The following ENDOV variants were observed in gnomAD, a reference collection of about 807,000 sequenced individuals.
ENDOV encodes endonuclease V.
In ENDOV, 37 loss-of-function variants were observed where a neutral mutation model predicts 39.4. That is an observed-to-expected ratio of 0.94 (90% CI 0.72 to 1.23). The LOEUF (loss-of-function observed/expected upper bound fraction) is 1.23, where lower values mean the gene tolerates loss of function less well. Ranked by LOEUF, ENDOV falls within the 50% of genes most tolerant of loss-of-function variation. ENDOV has a pLI of 0.00. For synonymous variants in ENDOV, 186 were observed against 163.4 expected, an observed-to-expected ratio of 1.14 and a Z score of -1.05; for missense variants, 441 against 375.7, an observed-to-expected ratio of 1.17 and a Z score of -1.44.
intron 1 of ENDOV, 166 bp from the exon 2 acceptor site, chr17:80,415,484 C>G: frequency 1.8e-6 from 2 of 1,083,376 alleles, no homozygotes; most frequent in Non-Finnish European, 2.6e-6. Flanking sequence ...CGCGGGTCTC[C>G]GCCGCCTGGG....
At chr17:80,416,189 A>G (rs935683109) in intron 2 of ENDOV, 7 of 171,962 alleles carry the variant, frequency 4.1e-5, no homozygotes, top group Non-Finnish European at 7.2e-5. Flanking sequence ...GTGAGCCAAC[A>G]TCACGCCATT....
chr17:80,422,683 G>T (rs2082203368), intron 4 of ENDOV, among the ~76,000 whole-genome samples: 1 of 152,190 alleles, frequency 6.6e-6, no homozygotes, highest in Non-Finnish European at 1.5e-5. Flanking sequence ...TTGGCCTAGG[G>T]AGCGTGGCTG....
chr17:80,427,028 C>G (rs2082774346), intron 7 of ENDOV, among the ~76,000 whole-genome samples: 1 of 152,270 alleles, frequency 6.6e-6, no homozygotes, highest in South Asian at 2.1e-4. Flanking sequence ...CCGGGGCCTT[C>G]CGGCTGCTGG....
chr17:80,424,610 C>A (rs980441331), intron 5 of ENDOV, among the ~76,000 whole-genome samples: 22 of 152,230 alleles, frequency 1.4e-4, no homozygotes, highest in African/African-American at 5.3e-4. Context: ...TGTGGCTCAC[C>A]TCCAAGATCA....
chr17:80,415,598 G>A (rs2081007227), intron 1 of ENDOV, 52 bp from the exon 2 acceptor site: 2 of 1,582,326 alleles, frequency 1.3e-6, no homozygotes, highest in Non-Finnish European at 1.7e-6. Context: ...GGGTGGAGGA[G>A]GCAGAGTCTG....
chr17:80,415,816 C>T lies in ENDOV; in HGVS notation c.223C>T (p.Leu75Phe). The change falls in exon 2 of 10, where the codon CTC becomes TTC. Residue 75 changes from leucine (L) to phenylalanine (F), a missense_variant. Coordinates refer to ENST00000518137, the MANE Select transcript of ENDOV (RefSeq NM_173627.5). ...ASLVVLSFPE[L>F]EVVYEESRMV... is the part of the protein sequence containing the mutation. ...CCTGGTGGTGCTCAGCTTCCCTGAGCTCGAGGTAACCTGGGAGGACGCCGA... is the reference window on the plus strand; with the variant it reads ...CCTGGTGGTGCTCAGCTTCCCTGAGTTCGAGGTAACCTGGGAGGACGCCGA... 4 of 1,592,754 alleles carry T rather than the reference C, an allele frequency of 2.5e-6. No homozygotes were observed. The highest frequency in any genetic ancestry group is 1.7e-6 in the Non-Finnish European group (2 of 1,169,750).
intron 2 of ENDOV, among the ~76,000 whole-genome samples, chr17:80,420,834 C>T (rs531506204): frequency 1.5e-4 from 23 of 152,352 alleles, no homozygotes; most frequent in African/African-American, 5.1e-4. Context: ...TGCGCCACCA[C>T]GCCCAGATAA....
chr17:80,422,133 G>T (rs2082118321), intron 3 of ENDOV, 73 bp from the exon 4 acceptor site: 1 of 1,599,656 alleles, frequency 6.3e-7, no homozygotes, highest in Non-Finnish European at 8.5e-7. Context: ...CCCCCTTCTT[G>T]CCTCAGGGAT....
At chr17:80,434,107 C>G (rs1250576329) in intron 9 of ENDOV, among the ~76,000 whole-genome samples, 2 of 152,202 alleles carry the variant, frequency 1.3e-5, no homozygotes, top group Non-Finnish European at 2.9e-5. Flanking sequence ...GGCTTCCTGT[C>G]TCTGGACAGG....
chr17:80,415,889 A>G, intron 2 of ENDOV, 68 bp downstream of exon 2: 2 of 1,525,434 alleles, frequency 1.3e-6, no homozygotes, highest in Non-Finnish European at 1.8e-6. Context: ...TCTCCGGGAC[A>G]GGGAGCAGTG....
At chr17:80,415,366 C>A (rs1308918179) in intron 1 of ENDOV, 116 bp downstream of exon 1, 2 of 1,296,386 alleles carry the variant, frequency 1.5e-6, no homozygotes, top group East Asian at 2.5e-5. Context: ...GCCCGAGACT[C>A]CAAAGCAAAG....
intron 7 of ENDOV, 153 bp from the exon 8 acceptor site, chr17:80,428,443 A>C: frequency 1.4e-6 from 1 of 703,342 alleles, no homozygotes; most frequent in Non-Finnish European, 2.4e-6. Flanking sequence ...ACTCGCTGAC[A>C]GGGCCGCGGC....
At chr17:80,433,967 T>C (rs2083466998) in intron 9 of ENDOV, among the ~76,000 whole-genome samples, 1 of 152,268 alleles carries the variant, frequency 6.6e-6, no homozygotes, top group Admixed American at 6.5e-5. Flanking sequence ...TGACTTTTGG[T>C]ATATTCACAA....
At chr17:80,422,277 A>G (rs763922844) in intron 4 of ENDOV, 32 bp downstream of exon 4, 5 of 1,612,522 alleles carry the variant, frequency 3.1e-6, no homozygotes, top group Non-Finnish European at 3.4e-6. Flanking sequence ...CAGGGAGGGC[A>G]CTGTGGGGAA....
chr17:80,422,390 GA>G, intron 4 of ENDOV, 145 bp downstream of exon 4: 1 of 968,426 alleles, frequency 1.0e-6, no homozygotes, highest in Non-Finnish European at 1.6e-6. Context: ...GCGCAACGGG[GA>G]CGCGCAGTGC....
intron 9 of ENDOV, among the ~76,000 whole-genome samples, chr17:80,430,965 C>T (rs766758545): frequency 9.9e-5 from 15 of 152,222 alleles, no homozygotes; most frequent in Admixed American, 2.0e-4. Flanking sequence ...CAGCCCCAGC[C>T]CCTGGGCACC....
intron 2 of ENDOV, among the ~76,000 whole-genome samples, chr17:80,419,065 C>T (rs963421056): frequency 6.0e-5 from 9 of 149,378 alleles, no homozygotes; most frequent in Middle Eastern, 7.0e-3. Flanking sequence ...CCCAGCTACT[C>T]GGGAGGCTGA....
In ENDOV at chr17:80,415,780, G is replaced by T. The variant is rs370340349; in HGVS notation, c.187G>T (p.Ala63Ser). The change falls in exon 2 of 10, where the codon GCT (alanine) becomes TCT (serine). Residue 63 changes from alanine to serine, a missense_variant. Transcript: ENST00000518137. ...CTTCGTGAAAGGGGACAGTGTCCGCGCTTGTGCTTCCCTGGTGGTGCTCAG... is the reference window on the plus strand; with the variant it reads ...CTTCGTGAAAGGGGACAGTGTCCGCTCTTGTGCTTCCCTGGTGGTGCTCAG... ...VSFVKGDSVRACASLVVLSFP... is the reference protein window; with the variant it reads ...VSFVKGDSVRSCASLVVLSFP... 6.2e-7 allele frequency: 1 copy of T among 1,603,968 alleles called. No individual in the cohort carries two copies.
intron 2 of ENDOV, chr17:80,419,491 G>A (rs558751809): frequency 3.0e-6 from 2 of 675,854 alleles, no homozygotes; most frequent in South Asian, 1.5e-5. Context: ...CACAGGCCTG[G>A]TGGAGCCTGT....
Sources: allele counts gnomAD v4.1 joint callset (sites outside exome capture counted in the v4.1 genomes callset), GRCh38; gene constraint gnomAD v4.1.1; transcripts MANE v1.5; gene names NCBI Gene and HGNC (gene_info 2026-07-23, HGNC 2026-07-21).